Variants in GPHN observed in about 807,000 individuals in gnomAD.
GPHN encodes gephyrin.
In GPHN, 17 loss-of-function variants were observed where a neutral mutation model predicts 95.5. That is an observed-to-expected ratio of 0.18 (90% CI 0.12 to 0.27). GPHN has a LOEUF of 0.27. Among genes scored for constraint, GPHN ranks in the 10% least tolerant of loss-of-function variants. The pLI is 1.00. For synonymous variants in GPHN, 320 were observed against 322.5 expected (o/e 0.99, Z 0.08); for missense variants, 660 against 978.1 (o/e 0.67, Z 4.34).
rs570053295 is a variant in GPHN at position 66,609,969 on chromosome 14, A to G, written c.65-71138A>G. Among the ~76,000 whole-genome samples the G allele has an allele frequency of 2.6e-5, 4 of 152,050 alleles. No homozygotes were observed. In the East Asian group the frequency reaches 7.7e-4, roughly 29 times the overall value. On this transcript the variant is annotated intron_variant, in intron 1 of 22. Coordinates refer to ENST00000478722, the MANE Select transcript of GPHN (RefSeq NM_020806.5). The stretch of plus-strand genomic sequence containing the variant: ...ATCTGGTTAAGATCTATTGCTGGGG[A>G]GCTTCTGCACTCTTTTGGAAAGAAG...
the GPHN span, among the ~76,000 whole-genome samples, chr14:67,234,015 C>A: frequency 6.6e-6 from 1 of 152,144 alleles, no homozygotes; most frequent in African/African-American, 2.4e-5. Flanking sequence ...TAAAGAACAT[C>A]ATGATAAAAA....
intron 12 of GPHN, among the ~76,000 whole-genome samples, chr14:67,098,741 G>A (rs975361191): frequency 1.3e-5 from 2 of 151,742 alleles, no homozygotes; most frequent in Admixed American, 1.3e-4. Flanking sequence ...AGAATGGCTT[G>A]AACGCGGGAG....
chr14:66,559,101 T>G (rs1203169792), intron 1 of GPHN, among the ~76,000 whole-genome samples: 1 of 152,174 alleles, frequency 6.6e-6, no homozygotes, highest in Non-Finnish European at 1.5e-5. Flanking sequence ...TATTCCATGG[T>G]GTATATATTG....
chr14:66,705,616 C>G (rs926479728), intron 2 of GPHN, among the ~76,000 whole-genome samples: 1 of 152,084 alleles, frequency 6.6e-6, no homozygotes. Flanking sequence ...AAGTCAAAAT[C>G]CCTTCATATT....
At chr14:66,729,794 A>G (rs533696808) in intron 2 of GPHN, among the ~76,000 whole-genome samples, 1 of 152,358 alleles carries the variant, frequency 6.6e-6, no homozygotes, top group South Asian at 2.1e-4. Flanking sequence ...AATAAAGGTT[A>G]TGACTTTTGT....
the GPHN span, among the ~76,000 whole-genome samples, chr14:67,328,771 A>G: frequency 6.6e-6 from 1 of 152,308 alleles, no homozygotes; most frequent in African/African-American, 2.4e-5. Context: ...CAGGTTTGTC[A>G]AAGATCAGAT....
chr14:66,829,224 A>G lies in GPHN; in HGVS notation c.294+4658A>G, dbSNP rs531161571. ...TGCCTCAGCCTCCTGAGTAGCTGGAATTACAGGCGTGCACCACCAAGCCCA... is the reference window on the plus strand; with the variant it reads ...TGCCTCAGCCTCCTGAGTAGCTGGAGTTACAGGCGTGCACCACCAAGCCCA... On this transcript the variant is annotated intron_variant, in intron 4 of 22. Transcript: ENST00000478722. Among the ~76,000 whole-genome samples, 142 of 151,748 alleles carry G rather than the reference A, an allele frequency of 9.4e-4. 1 individual carries two copies. Among genetic ancestry groups the G allele is most frequent in the Admixed American group, 2.8e-3 (42 of 15,186 alleles).
intron 17 of GPHN, among the ~76,000 whole-genome samples, chr14:67,132,382 T>C (rs2153698091): frequency 1.3e-5 from 2 of 152,318 alleles, no homozygotes; most frequent in South Asian, 4.1e-4. Flanking sequence ...TTATAAACTA[T>C]CTGCTCTCCT....
At chr14:67,469,809 A>G in the GPHN span, among the ~76,000 whole-genome samples, 1 of 152,190 alleles carries the variant, frequency 6.6e-6, no homozygotes, top group East Asian at 1.9e-4. Context: ...TTTCAGTGTA[A>G]CATCACTTTC....
the GPHN span, among the ~76,000 whole-genome samples, chr14:67,226,716 A>G: frequency 2.0e-5 from 3 of 152,200 alleles, no homozygotes; most frequent in South Asian, 4.1e-4. Context: ...GTGAAAGGTA[A>G]TGGACCAGAG....
chr14:66,698,564 T>C (rs1231858407), intron 2 of GPHN, among the ~76,000 whole-genome samples: 1 of 152,228 alleles, frequency 6.6e-6, no homozygotes, highest in Admixed American at 6.5e-5. Context: ...AAAAGAAATA[T>C]TTTTATCTTT....
chr14:66,724,303 T>C (rs533984727), intron 2 of GPHN, among the ~76,000 whole-genome samples: 2 of 152,204 alleles, frequency 1.3e-5, no homozygotes, highest in African/African-American at 4.8e-5. Flanking sequence ...CACAACAAAT[T>C]CAGATCTTCC....
intron 2 of GPHN, among the ~76,000 whole-genome samples, chr14:66,703,352 C>T (rs951057620): frequency 6.6e-6 from 1 of 152,042 alleles, no homozygotes; most frequent in Non-Finnish European, 1.5e-5. Context: ...ATCAGATTCT[C>T]CAAGGACAAA....
At chr14:67,636,518 A>G in the GPHN span, among the ~76,000 whole-genome samples, 1 of 152,216 alleles carries the variant, frequency 6.6e-6, no homozygotes, top group African/African-American at 2.4e-5. Flanking sequence ...GGCTTCTTTC[A>G]GGGATTTACT....
intron 2 of GPHN, among the ~76,000 whole-genome samples, chr14:66,725,209 T>C (rs941391372): frequency 1.3e-5 from 2 of 152,176 alleles, no homozygotes; most frequent in Non-Finnish European, 2.9e-5. Context: ...ATTGGACTTT[T>C]GTTATGTAAT....
rs114758312 is a variant in GPHN at position 66,918,436 on chromosome 14, A to G, written c.456+2367A>G. ...ATGTAGAAAGTGGGGTCAGAAGGCC[A>G]AGAAAGGGAGTATGAGTATATATCC... On this transcript the variant is annotated intron_variant, in intron 6 of 22. Transcript: ENST00000478722. 7.0e-3 allele frequency among the ~76,000 whole-genome samples: 1,073 copies of G among 152,310 alleles called. 5 individuals carry two copies. The highest frequency in any genetic ancestry group is 0.025 in the African/African-American group (1,025 of 41,566).
intron 2 of GPHN, among the ~76,000 whole-genome samples, chr14:66,738,708 A>G (rs72728623): frequency 0.061 from 9,267 of 152,200 alleles, 375 homozygotes; most frequent in Non-Finnish European, 0.096. Context: ...TAAATATATA[A>G]AAATTCTTCA....
intron 1 of GPHN, among the ~76,000 whole-genome samples, chr14:66,571,207 C>T (rs149856046): frequency 8.9e-4 from 136 of 152,102 alleles, no homozygotes; most frequent in African/African-American, 2.6e-3. Context: ...GGCAGGAGAG[C>T]GAAGAGAGGG....
the GPHN span, among the ~76,000 whole-genome samples, chr14:67,316,641 G>A: frequency 6.6e-6 from 1 of 152,032 alleles, no homozygotes; most frequent in Admixed American, 6.6e-5. Context: ...GGGATTGATT[G>A]AGCAGAGTTA....
Sources: gnomAD v4.1 joint callset for allele counts (sites outside exome capture counted in the v4.1 genomes callset) on GRCh38, gnomAD v4.1.1 for gene constraint, MANE v1.5 for transcripts, NCBI Gene and HGNC (gene_info 2026-07-23, HGNC 2026-07-21) for gene names.